The following DNAH5 variants were observed in gnomAD, a reference collection of about 807,000 sequenced individuals.
DNAH5 encodes axonemal beta dynein heavy chain 5.
A neutral mutation model predicts 518.2 loss-of-function variants in DNAH5; 372 were observed. The ratio of observed to expected loss-of-function variants is 0.72; its 90% confidence interval spans 0.66 to 0.78. The LOEUF is 0.78. Among genes scored for constraint, DNAH5 ranks in the 30% least tolerant of loss-of-function variants. The pLI is 0.00. For synonymous variants in DNAH5, 2,039 were observed against 2,025.9 expected, an observed-to-expected ratio of 1.01 and a Z score of -0.17; for missense variants, 5,523 against 5,687.0, an observed-to-expected ratio of 0.97 and a Z score of 0.93.
chr5:13,859,112 G>T (rs1364856059), intron 30 of DNAH5, among the ~76,000 whole-genome samples: 4 of 152,000 alleles, frequency 2.6e-5, no homozygotes, highest in Non-Finnish European at 5.9e-5. Context: ...GCCTACCATT[G>T]TCAAGATAAC....
At chr5:14,008,667 G>A (rs1784901576) in intron 1 of DNAH5, among the ~76,000 whole-genome samples, 1 of 151,748 alleles carries the variant, frequency 6.6e-6, no homozygotes, top group Non-Finnish European at 1.5e-5. Flanking sequence ...AAAAGAGGGA[G>A]GGCAAAGGTG....
intron 34 of DNAH5, 28 bp downstream of exon 34, chr5:13,840,878 C>T: frequency 1.3e-6 from 2 of 1,593,594 alleles, no homozygotes; most frequent in African/African-American, 1.3e-5. Context: ...TTTTTCTCTA[C>T]ATGCCACAGC....
intron 26 of DNAH5, 152 bp from the exon 27 acceptor site, chr5:13,866,058 G>C (rs548854658): frequency 2.2e-6 from 2 of 908,654 alleles, no homozygotes; most frequent in South Asian, 3.1e-5. Flanking sequence ...TTAATTCATA[G>C]AAACTACTTC....
Position 13,901,312 on chromosome 5 carries a change from G to A in DNAH5, c.1992C>T (p.Asn664=), listed in dbSNP as rs1774582946. 3 of 1,614,098 alleles carry A rather than the reference G, an allele frequency of 1.9e-6. No individual in the cohort carries two copies. The highest frequency in any genetic ancestry group is 2.5e-6 in the Non-Finnish European group (3 of 1,180,032). ...AEAKPIIRSY[N]RMAKVLLEFE... is the part of the protein sequence containing the mutation. ...ACTCCAGGAGGACCTTGGCCATCCT[G>A]TTGTAACTGCGAATTATAGGTTTGG... The change falls in exon 14 of 79, where the codon AAC becomes AAT. Residue 664 remains asparagine, a synonymous_variant. Transcript: ENST00000265104.
chr5:13,829,545 G>T lies in DNAH5; in HGVS notation c.6409C>A (p.Leu2137Ile), dbSNP rs181884470. ...NVVLARKFFT[L>I]YKLCEEQLSK... ...AGCTGCTCCTCACACAGTTTGTAGA[G>T]CGTGAAAAACTTCCTGGCCAAAACA... The change falls in exon 38 of 79, where the codon CTC becomes ATC. Residue 2137 changes from leucine to isoleucine, a missense_variant. Around this residue, in one of 3 missense-constraint regions of DNAH5, gnomAD observed 5,121 missense variants for 5,223.3 expected, o/e 0.98. Coordinates refer to ENST00000265104, the MANE Select transcript of DNAH5 (RefSeq NM_001369.3). The T allele has an allele frequency of 5.8e-5, 94 of 1,614,146 alleles. 1 individual carries two copies. The Admixed American group carries it at 1.2e-3, about 21-fold the overall frequency.
At chr5:13,778,557 A>G (rs944131323) in intron 53 of DNAH5, among the ~76,000 whole-genome samples, 1 of 64,566 alleles carries the variant, frequency 1.5e-5, no homozygotes, top group African/African-American at 5.9e-5. Context: ...AAAGAAAGAA[A>G]GAAAGAAAGA....
At position 13,841,148 on chromosome 5, in the gene DNAH5, G is replaced by C; in HGVS notation, c.5485-18C>G. The C allele has an allele frequency of 6.3e-7, 1 of 1,591,098 alleles. No homozygotes were observed. ...AATCCAACCTTATGGAAATAAAAAA[G>C]GCTTCATGAATTTGTATGGCATATT... On this transcript the variant is annotated intron_variant, in intron 33 of 78. Transcript: ENST00000265104.
intron 1 of DNAH5, among the ~76,000 whole-genome samples, chr5:13,937,367 T>C (rs17278234): frequency 0.25 from 37,054 of 150,658 alleles, 4,960 homozygotes; most frequent in Non-Finnish European, 0.29. Flanking sequence ...GGTATTTTAG[T>C]GCCAGTGTGG....
chr5:13,815,046 T>A (rs564900002), intron 42 of DNAH5, among the ~76,000 whole-genome samples, 200 bp from the exon 43 acceptor site: 1 of 152,218 alleles, frequency 6.6e-6, no homozygotes, highest in Non-Finnish European at 1.5e-5. Context: ...AGGCCCATAA[T>A]TAAATCAAAA....
chr5:13,885,449 C>A (rs566259337), intron 18 of DNAH5, among the ~76,000 whole-genome samples: 39 of 152,332 alleles, frequency 2.6e-4, no homozygotes, highest in South Asian at 1.0e-3. Context: ...ATCTCCTTCT[C>A]AATACAAGAA....
At chr5:14,009,068 T>C (rs922114269) in intron 1 of DNAH5, among the ~76,000 whole-genome samples, 2 of 152,254 alleles carry the variant, frequency 1.3e-5, no homozygotes, top group African/African-American at 4.8e-5. Flanking sequence ...ACTCTTGAGT[T>C]GAAGCCGTCG....
chr5:13,925,288 A>G (rs1333972398), intron 3 of DNAH5, among the ~76,000 whole-genome samples: 2 of 152,178 alleles, frequency 1.3e-5, no homozygotes, highest in Non-Finnish European at 2.9e-5. Context: ...GGAAAAAAAA[A>G]TCTGCAGAAA....
intron 23 of DNAH5, 24 bp downstream of exon 23, chr5:13,871,540 C>T (rs774872664): frequency 5.1e-6 from 8 of 1,573,920 alleles, no homozygotes; most frequent in Middle Eastern, 1.7e-4. Flanking sequence ...ATTTATATAA[C>T]TATATGAAAG....
At chr5:13,900,002 A>G (rs1774368464) in intron 15 of DNAH5, 1 of 583,064 alleles carries the variant, frequency 1.7e-6, no homozygotes, top group African/African-American at 1.9e-5. Context: ...TCAAAATAAA[A>G]CCCAAGCTTC....
At chr5:13,918,020 C>T (rs1336190080) in intron 7 of DNAH5, among the ~76,000 whole-genome samples, 1 of 152,196 alleles carries the variant, frequency 6.6e-6, no homozygotes, top group Non-Finnish European at 1.5e-5. Flanking sequence ...CCACAGACTC[C>T]CTGTATTCAA....
chr5:13,892,893 G>A (rs1773462302), intron 16 of DNAH5, among the ~76,000 whole-genome samples: 1 of 152,096 alleles, frequency 6.6e-6, no homozygotes, highest in Admixed American at 6.6e-5. Context: ...TTACATCTAT[G>A]TAACATTAAA....
In DNAH5 at chr5:13,750,107, G is replaced by C. The variant is rs149979411; in HGVS notation, c.11211+971C>G. 1.7e-3 allele frequency among the ~76,000 whole-genome samples: 263 copies of C among 152,252 alleles called. 1 individual carries two copies. The highest frequency in any genetic ancestry group is 6.1e-3 in the African/African-American group (253 of 41,534). On this transcript the variant is annotated intron_variant, in intron 65 of 78. Coordinates refer to ENST00000265104, the MANE Select transcript of DNAH5 (RefSeq NM_001369.3). ...GGAGGAAGTGGAGGAGAAAGAGATA[G>C]ACATGTGGTAGGGCTCAGACGGGCA... is the stretch of plus-strand genomic sequence containing the variant.
intron 58 of DNAH5, among the ~76,000 whole-genome samples, chr5:13,767,777 A>G (rs901999410): frequency 6.6e-6 from 1 of 152,222 alleles, no homozygotes; most frequent in Non-Finnish European, 1.5e-5. Context: ...CAGGCCAAGA[A>G]ATATGACTGT....
At chr5:13,841,405 T>G (rs1448649194) in intron 33 of DNAH5, among the ~76,000 whole-genome samples, 1 of 152,216 alleles carries the variant, frequency 6.6e-6, no homozygotes, top group Non-Finnish European at 1.5e-5. Context: ...TTCATGATTT[T>G]TGTACATTGT....
Sources: gnomAD v4.1 joint callset for allele counts (sites outside exome capture counted in the v4.1 genomes callset) on GRCh38, gnomAD v4.1.1 for gene constraint, gnomAD v4.1.1 regional missense constraint, MANE v1.5 for transcripts, NCBI Gene and HGNC (gene_info 2026-07-23, HGNC 2026-07-21) for gene names.